The following TAFA4 variants were observed in gnomAD, a reference collection of about 807,000 sequenced individuals.
The protein encoded by TAFA4 is chemokine-like protein TAFA-4.
TAFA4 carries 20 observed loss-of-function variants against 21.1 expected under a neutral mutation model. The ratio of observed to expected loss-of-function variants is 0.95; its 90% CI spans 0.67 to 1.38. TAFA4 has a LOEUF of 1.38. Among genes scored for constraint, TAFA4 ranks in the 40% most tolerant of loss-of-function variants. The pLI is 0.00. For synonymous variants in TAFA4, 71 were observed against 67.4 expected (o/e 1.05, Z -0.26); for missense variants, 211 against 180.9 (o/e 1.17, Z -0.95).
intron 1 of TAFA4, among the ~76,000 whole-genome samples, chr3:68,921,762 A>C (rs896373073): frequency 6.6e-6 from 1 of 152,256 alleles, no homozygotes; most frequent in African/African-American, 2.4e-5. Flanking sequence ...ATCAGACTCA[A>C]AAGTATATGG....
rs2106716639 is a variant in TAFA4, at chr3:68,733,014, T to C, written c.*128A>G. ...TTAAGTGAATGCCACCTCTCACAGC[T>C]CACATATACAAATATGAAGTTGCTG... On this transcript the variant is annotated 3_prime_UTR_variant, in exon 6 of 6. Transcript: ENST00000295569. The C allele has an allele frequency of 1.6e-6, 2 of 1,221,608 alleles. No homozygotes were observed. Among genetic ancestry groups the C allele is most frequent in the African/African-American group, 1.5e-5 (1 of 66,350 alleles). 75.7% of individuals were successfully genotyped at this position (1,221,608 alleles called of 1,614,324 possible).
At chr3:68,765,105 T>G (rs1206810483) in intron 3 of TAFA4, among the ~76,000 whole-genome samples, 3 of 152,192 alleles carry the variant, frequency 2.0e-5, no homozygotes, top group African/African-American at 7.2e-5. Flanking sequence ...AATGGAGAGT[T>G]AGAAGATAAA....
chr3:68,804,137 C>T (rs1176753401), intron 3 of TAFA4, among the ~76,000 whole-genome samples: 2 of 152,028 alleles, frequency 1.3e-5, no homozygotes, highest in Non-Finnish European at 1.5e-5. Context: ...CAAGGTGTAA[C>T]CCACTGCTCC....
At chr3:68,841,347 T>TAAA (rs1704662224) in intron 3 of TAFA4, among the ~76,000 whole-genome samples, 1 of 142,934 alleles carries the variant, frequency 7.0e-6, no homozygotes, top group African/African-American at 2.8e-5. Context: ...TAAAAAAAAA[T>TAAA]AAAATCCACA....
intron 3 of TAFA4, among the ~76,000 whole-genome samples, chr3:68,815,101 G>A (rs1308145267): frequency 1.3e-5 from 2 of 152,060 alleles, no homozygotes. Context: ...TGGGAAACCT[G>A]GCTAGCCATA....
intron 3 of TAFA4, among the ~76,000 whole-genome samples, chr3:68,801,731 C>T (rs1703582729): frequency 6.6e-6 from 1 of 152,108 alleles, no homozygotes; most frequent in South Asian, 2.1e-4. Context: ...TATATTGGTA[C>T]AATCATTTTA....
intron 1 of TAFA4, among the ~76,000 whole-genome samples, chr3:68,899,153 A>G (rs569956034): frequency 6.6e-6 from 1 of 152,230 alleles, no homozygotes; most frequent in Non-Finnish European, 1.5e-5. Context: ...AATAAATGAA[A>G]TACCTTTAAA....
chr3:68,869,098 C>T (rs991488348), intron 3 of TAFA4, among the ~76,000 whole-genome samples: 8 of 151,302 alleles, frequency 5.3e-5, no homozygotes, highest in East Asian at 1.9e-4. Flanking sequence ...CCAACAAATT[C>T]GAAAAGCTAA....
Position 68,813,729 on chromosome 3 carries a change from C to A in TAFA4, c.131-60711G>T, listed in dbSNP as rs1703895829. ...CAGATGGATTCACAGCCGAATTCTA[C>A]CAGAGGTACAAGGAGGAACTGGTAC... On this transcript the variant is annotated intron_variant, in intron 3 of 5. Transcript: ENST00000295569. Among the ~76,000 whole-genome samples, 3 of 152,064 alleles carry A rather than the reference C, an allele frequency of 2.0e-5. No homozygotes were observed. The South Asian group carries it at 6.2e-4, about 32-fold the overall frequency.
At chr3:68,811,375 G>A (rs147585401) in intron 3 of TAFA4, among the ~76,000 whole-genome samples, 41,659 of 151,968 alleles carry the variant, frequency 0.27, 7,085 homozygotes, top group Non-Finnish European at 0.39. Flanking sequence ...AAACTACTCT[G>A]AGCTAAAGGA....
intron 4 of TAFA4, among the ~76,000 whole-genome samples, chr3:68,751,589 T>C (rs1393682656): frequency 2.6e-5 from 4 of 152,222 alleles, no homozygotes; most frequent in South Asian, 2.1e-4. Flanking sequence ...TCTTCATCTT[T>C]TTTTAATAGG....
At chr3:68,931,871 G>T (rs1319860847) in intron 1 of TAFA4, among the ~76,000 whole-genome samples, 1 of 152,194 alleles carries the variant, frequency 6.6e-6, no homozygotes, top group Non-Finnish European at 1.5e-5. Context: ...GACTTGTCCA[G>T]AAAAGAGCTC....
chr3:68,786,645 T>C (rs1703267705), intron 3 of TAFA4, among the ~76,000 whole-genome samples: 1 of 152,246 alleles, frequency 6.6e-6, no homozygotes, highest in South Asian at 2.1e-4. Flanking sequence ...CTTTGTAAAA[T>C]GGTAATAATT....
chr3:68,782,637 C>T (rs9812027), intron 3 of TAFA4, among the ~76,000 whole-genome samples: 104,664 of 152,004 alleles, frequency 0.69, 36,551 homozygotes, highest in East Asian at 0.98. Flanking sequence ...AGAAAAAAGA[C>T]AGACAAAAAG....
chr3:68,877,699 T>C (rs891194349), intron 3 of TAFA4, among the ~76,000 whole-genome samples: 2 of 152,186 alleles, frequency 1.3e-5, no homozygotes, highest in Admixed American at 6.5e-5. Context: ...GTCAGCTTAC[T>C]AGAACAATGA....
intron 1 of TAFA4, among the ~76,000 whole-genome samples, chr3:68,906,804 TGGATCA>T (rs2089905309): frequency 6.6e-6 from 1 of 151,526 alleles, no homozygotes; most frequent in Admixed American, 6.6e-5. Context: ...CCGAGGCGGG[TGGATCA>T]CCTGAGTGTG....
intron 4 of TAFA4, among the ~76,000 whole-genome samples, chr3:68,749,326 C>T (rs1575594221): frequency 6.6e-6 from 1 of 152,110 alleles, no homozygotes; most frequent in East Asian, 1.9e-4. Context: ...GTTTCTATGT[C>T]GGCATTAATT....
chr3:68,906,750 C>T (rs1575667365), intron 1 of TAFA4, among the ~76,000 whole-genome samples: 1 of 152,190 alleles, frequency 6.6e-6, no homozygotes, highest in East Asian at 1.9e-4. Context: ...GTCATCTGGG[C>T]CAGGCATGGT....
At chr3:68,740,953 A>G (rs1291201266) in intron 4 of TAFA4, among the ~76,000 whole-genome samples, 1 of 152,200 alleles carries the variant, frequency 6.6e-6, no homozygotes, top group African/African-American at 2.4e-5. Flanking sequence ...CTAGTCAACT[A>G]TAAATGAATG....
Sources: gnomAD v4.1 joint callset for allele counts (sites outside exome capture counted in the v4.1 genomes callset) on GRCh38, gnomAD v4.1.1 for gene constraint, MANE v1.5 for transcripts, NCBI Gene and HGNC (gene_info 2026-07-23, HGNC 2026-07-21) for gene names.